C8orf34: variants seen among roughly 807,000 people sequenced by gnomAD.
The protein encoded by C8orf34 is uncharacterized protein C8orf34.
Under a neutral mutation model 68.3 loss-of-function variants are expected in C8orf34, and 65 were observed. That is an observed-to-expected ratio of 0.95 (90% confidence interval 0.78 to 1.17). The LOEUF is 1.17. C8orf34 is among the 50% of genes most tolerant of loss of function. The pLI, the probability that C8orf34 is intolerant of heterozygous loss-of-function variation, is 0.00. For missense variants in C8orf34, 664 were observed against 655.4 expected, an observed-to-expected ratio of 1.01 and a Z score of -0.14; for synonymous variants, 244 against 241.2, an observed-to-expected ratio of 1.01 and a Z score of -0.11.
At chr8:68,772,683 TTCCCTCCCTCCC>T (rs577645630) in intron 10 of C8orf34, among the ~76,000 whole-genome samples, 2 of 151,442 alleles carry the variant, frequency 1.3e-5, no homozygotes, top group East Asian at 1.9e-4. Flanking sequence ...CTTTCTTTCT[TTCCCTCCCTCCC>T]TCCCTCCCTC....
chr8:68,675,600 C>G, intron 8 of C8orf34, among the ~76,000 whole-genome samples: 1 of 147,542 alleles, frequency 6.8e-6, no homozygotes, highest in East Asian at 2.0e-4. Flanking sequence ...ATATAAAAAG[C>G]AAGAAATAAA....
At chr8:68,575,200 C>T (rs181493791) in intron 7 of C8orf34, among the ~76,000 whole-genome samples, 1 of 152,068 alleles carries the variant, frequency 6.6e-6, no homozygotes, top group Admixed American at 6.6e-5. Flanking sequence ...TATACATATA[C>T]CTTGTACTTA....
chr8:68,554,270 G>A (rs963355281), intron 7 of C8orf34, among the ~76,000 whole-genome samples: 1 of 152,084 alleles, frequency 6.6e-6, no homozygotes, highest in Non-Finnish European at 1.5e-5. Flanking sequence ...AGGTAAAGCA[G>A]CCATTTATTA....
intron 1 of C8orf34, among the ~76,000 whole-genome samples, chr8:68,380,144 G>A (rs1055176268): frequency 8.5e-5 from 13 of 152,162 alleles, no homozygotes; most frequent in African/African-American, 2.9e-4. Flanking sequence ...TTATAGGCGT[G>A]AGCCACCACA....
intron 4 of C8orf34, among the ~76,000 whole-genome samples, chr8:68,476,049 G>A (rs1812603357): frequency 6.6e-6 from 1 of 152,212 alleles, no homozygotes; most frequent in African/African-American, 2.4e-5. Flanking sequence ...AGTCAGGAAT[G>A]TACCCAAGAA....
At chr8:68,618,778 G>A (rs1267705645) in intron 7 of C8orf34, among the ~76,000 whole-genome samples, 1 of 152,106 alleles carries the variant, frequency 6.6e-6, no homozygotes, top group Non-Finnish European at 1.5e-5. Flanking sequence ...GAGTTCAAAT[G>A]GATCTAGAGG....
chr8:68,372,043 A>C (rs1172763776), intron 1 of C8orf34, among the ~76,000 whole-genome samples: 4 of 152,222 alleles, frequency 2.6e-5, no homozygotes, highest in African/African-American at 9.6e-5. Flanking sequence ...AAGCCTCTGC[A>C]TGTCACATAA....
intron 7 of C8orf34, among the ~76,000 whole-genome samples, chr8:68,580,881 T>G (rs1817043247): frequency 6.6e-6 from 1 of 152,150 alleles, no homozygotes; most frequent in East Asian, 1.9e-4. Flanking sequence ...TTTTTCTACT[T>G]TAATTCCCAG....
intron 10 of C8orf34, among the ~76,000 whole-genome samples, chr8:68,736,508 C>T (rs927077195): frequency 2.0e-5 from 3 of 151,992 alleles, no homozygotes; most frequent in African/African-American, 7.2e-5. Flanking sequence ...TTACTTTACC[C>T]TTGTTTGATA....
At chr8:68,785,238 AC>A (rs1484572747) in intron 11 of C8orf34, among the ~76,000 whole-genome samples, 3 of 152,120 alleles carry the variant, frequency 2.0e-5, no homozygotes, top group East Asian at 3.9e-4. Context: ...ATAAAGAAAT[AC>A]ATATCAACAT....
At chr8:68,794,495 ATATATATATATTTTTTT>A (rs1824114250) in intron 12 of C8orf34, among the ~76,000 whole-genome samples, 1 of 85,366 alleles carries the variant, frequency 1.2e-5, no homozygotes, top group African/African-American at 7.7e-5. Flanking sequence ...ATATATATAT[ATATATATATATTTTTTT>A]TTTTTTTTTT....
At position 68,499,026 on chromosome 8, in the gene C8orf34, A is replaced by G. The variant is rs541454294; in HGVS notation, c.765+10975A>G. Among the ~76,000 whole-genome samples, 79 of 152,346 alleles carry G rather than the reference A, an allele frequency of 5.2e-4. 1 individual carries two copies. Among genetic ancestry groups the G allele is most frequent in the African/African-American group, 1.8e-3 (75 of 41,588 alleles). On this transcript the variant is annotated intron_variant, in intron 5 of 13. Transcript: ENST00000518698. The stretch of plus-strand genomic sequence containing the variant: ...TGGGGTATGAAAGATCCCATCAACC[A>G]GGTAGTGAACATAGTATCCAATGAG...
At chr8:68,779,149 C>T (rs1823602521) in intron 11 of C8orf34, among the ~76,000 whole-genome samples, 1 of 150,232 alleles carries the variant, frequency 6.7e-6, no homozygotes, top group African/African-American at 2.4e-5. Flanking sequence ...TGCACTCCAG[C>T]CTGCGTGACA....
chr8:68,631,897 C>G (rs1314291887), intron 7 of C8orf34, among the ~76,000 whole-genome samples: 1 of 152,112 alleles, frequency 6.6e-6, no homozygotes, highest in Non-Finnish European at 1.5e-5. Flanking sequence ...GTCAGTTAGA[C>G]CTCTTTCTTT....
chr8:68,417,619 G>A (rs1470300043), intron 1 of C8orf34, among the ~76,000 whole-genome samples: 2 of 152,120 alleles, frequency 1.3e-5, no homozygotes, highest in African/African-American at 4.8e-5. Context: ...TACTGGAAGA[G>A]TTTAGTATTG....
At chr8:68,480,678 A>C (rs1339028339) in intron 4 of C8orf34, among the ~76,000 whole-genome samples, 2 of 152,200 alleles carry the variant, frequency 1.3e-5, no homozygotes, top group Admixed American at 6.5e-5. Flanking sequence ...ACTGGAGCAG[A>C]GGTGACTCTT....
At chr8:68,463,012 T>G (rs1020461385) in intron 3 of C8orf34, among the ~76,000 whole-genome samples, 3 of 152,028 alleles carry the variant, frequency 2.0e-5, no homozygotes, top group African/African-American at 7.3e-5. Flanking sequence ...AGCTGGTTTT[T>G]TGAAGGATCA....
chr8:68,815,750 G>A, intron 12 of C8orf34, 136 bp from the exon 13 acceptor site: 1 of 1,426,940 alleles, frequency 7.0e-7, no homozygotes. Context: ...TGGCAGCACA[G>A]TACATACTAT....
At chr8:68,752,583 A>C (rs1822738170) in intron 10 of C8orf34, among the ~76,000 whole-genome samples, 1 of 152,214 alleles carries the variant, frequency 6.6e-6, no homozygotes, top group Admixed American at 6.5e-5. Flanking sequence ...TGTCCCACTG[A>C]TACTAAGAAT....
Sources: allele counts gnomAD v4.1 joint callset (sites outside exome capture counted in the v4.1 genomes callset), GRCh38; gene constraint gnomAD v4.1.1; transcripts MANE v1.5; gene names NCBI Gene and HGNC (gene_info 2026-07-23, HGNC 2026-07-21).